Variants in TTC23 observed in about 807,000 individuals in gnomAD.
TTC23 encodes tetratricopeptide repeat protein 23.
In TTC23, 58 loss-of-function variants were observed where a neutral mutation model predicts 55.1. The observed-to-expected ratio is 1.05, with a 90% CI of 0.85 to 1.31. TTC23 has a LOEUF of 1.31. Ranked by LOEUF, TTC23 falls within the 50% of genes most tolerant of loss-of-function variation. TTC23 has a pLI of 0.00. For synonymous variants in TTC23, 203 were observed against 199.9 expected, an observed-to-expected ratio of 1.02 and a Z score of -0.13; for missense variants, 516 against 534.4, an observed-to-expected ratio of 0.97 and a Z score of 0.34.
At chr15:99,237,352 G>A (rs1235332492) in intron 3 of TTC23, among the ~76,000 whole-genome samples, 3 of 151,996 alleles carry the variant, frequency 2.0e-5, no homozygotes, top group Non-Finnish European at 4.4e-5. Context: ...AATGTTCATA[G>A]AATTTTTATT....
At position 99,178,848 on chromosome 15, in the gene TTC23, C is replaced by G. The variant is rs562699854; in HGVS notation, c.760-3693G>C. ...GCATGGAGGAAACCCAAGATGAGCA[C>G]GCTGGCTCCCAAGACAAGGTGCTGG... On this transcript the variant is annotated intron_variant, in intron 9 of 13. Coordinates refer to ENST00000394132, the MANE Select transcript of TTC23 (RefSeq NM_001288615.3). 2.6e-5 allele frequency among the ~76,000 whole-genome samples: 4 copies of G among 152,252 alleles called. No individual in the cohort carries two copies. The East Asian group carries it at 5.8e-4, about 22-fold the overall frequency.
intron 8 of TTC23, among the ~76,000 whole-genome samples, chr15:99,217,759 A>T (rs1306665878): frequency 6.6e-6 from 1 of 152,230 alleles, no homozygotes; most frequent in Non-Finnish European, 1.5e-5. Context: ...GGTTCTTCCC[A>T]CTTTCCATTC....
chr15:99,206,651 T>C (rs751362935), intron 8 of TTC23, among the ~76,000 whole-genome samples: 1 of 152,138 alleles, frequency 6.6e-6, no homozygotes, highest in Non-Finnish European at 1.5e-5. Flanking sequence ...GTGGTAGCAG[T>C]TGTATTGTCT....
chr15:99,182,266 A>T (rs1399072268), intron 9 of TTC23, among the ~76,000 whole-genome samples: 1 of 151,108 alleles, frequency 6.6e-6, no homozygotes, highest in Non-Finnish European at 1.5e-5. Context: ...ACACACACAC[A>T]CACACACACA....
At chr15:99,235,503 T>G (rs983952634) in intron 3 of TTC23, among the ~76,000 whole-genome samples, 1 of 151,944 alleles carries the variant, frequency 6.6e-6, no homozygotes, top group Admixed American at 6.6e-5. Context: ...CCCGAGTAGC[T>G]GGGACTACAG....
intron 12 of TTC23, among the ~76,000 whole-genome samples, chr15:99,143,643 T>A (rs1317767720): frequency 6.6e-6 from 1 of 152,216 alleles, no homozygotes; most frequent in East Asian, 1.9e-4. Context: ...ATTACATTGC[T>A]CTTATTCTCT....
chr15:99,218,930 A>G lies in TTC23; in HGVS notation c.423T>C (p.His141=). The G allele has an allele frequency of 6.2e-6, 10 of 1,614,168 alleles. No homozygotes were observed. The highest frequency in any genetic ancestry group is 8.5e-6 in the Non-Finnish European group (10 of 1,180,018). The change falls in exon 7 of 14, where the codon CAT becomes CAC. Residue 141 remains histidine, a synonymous_variant. Coordinates refer to ENST00000394132, the MANE Select transcript of TTC23 (RefSeq NM_001288615.3). ...GGGAGAGTAAAGCTCTGCCCATGGT[A>G]TGGAAAAGCTCAATGGAAAACTTGA... The part of the protein sequence containing the change: ...DVFKFSIELF[H]TMGRALLSLQ...
rs181308012 is a variant in TTC23 at position 99,211,726 on chromosome 15, G to A, written c.581+6862C>T. On this transcript the variant is annotated intron_variant, in intron 8 of 13. Transcript: ENST00000394132. ...TTTTTAATCTTCACAGCAACCCCTG[G>A]AGGTCTTATTATTTTCACTTCAACA... is the stretch of plus-strand genomic sequence containing the variant. Among the ~76,000 whole-genome samples, 150 of 152,230 alleles carry A rather than the reference G, an allele frequency of 9.9e-4. 1 individual carries two copies. Among genetic ancestry groups the A allele is most frequent in the Admixed American group, 2.6e-3 (40 of 15,280 alleles).
intron 9 of TTC23, among the ~76,000 whole-genome samples, chr15:99,180,851 G>A (rs1452610228): frequency 2.0e-5 from 3 of 152,184 alleles, no homozygotes; most frequent in African/African-American, 7.2e-5. Context: ...ATTTACTCTG[G>A]AGATGAGAAC....
At chr15:99,152,174 C>T (rs1386325737) in intron 12 of TTC23, among the ~76,000 whole-genome samples, 1 of 152,152 alleles carries the variant, frequency 6.6e-6, no homozygotes, top group Non-Finnish European at 1.5e-5. Flanking sequence ...GTATGTGGCA[C>T]TTCCCCATTC....
intron 10 of TTC23, among the ~76,000 whole-genome samples, chr15:99,172,344 G>A (rs982934170): frequency 1.3e-5 from 2 of 152,138 alleles, no homozygotes; most frequent in Non-Finnish European, 2.9e-5. Flanking sequence ...GTCACCGAAT[G>A]CCCTCAGCTG....
chr15:99,219,876 A>G (rs1331200892), intron 6 of TTC23, among the ~76,000 whole-genome samples: 1 of 152,202 alleles, frequency 6.6e-6, no homozygotes, highest in Non-Finnish European at 1.5e-5. Context: ...CTGTCAAAAT[A>G]TGAAGTTAAT....
intron 12 of TTC23, chr15:99,140,972 G>A (rs529649976): frequency 1.3e-5 from 2 of 152,266 alleles, no homozygotes; most frequent in African/African-American, 4.8e-5. Context: ...TCAAAGAGTT[G>A]AAATCTGATG....
intron 4 of TTC23, among the ~76,000 whole-genome samples, chr15:99,234,033 A>G (rs939689629): frequency 1.3e-5 from 2 of 152,234 alleles, no homozygotes; most frequent in Non-Finnish European, 2.9e-5. Flanking sequence ...TACAAAAATT[A>G]ACTCAAAATT....
At chr15:99,216,646 G>A (rs749335598) in intron 8 of TTC23, among the ~76,000 whole-genome samples, 1 of 152,150 alleles carries the variant, frequency 6.6e-6, no homozygotes, top group Non-Finnish European at 1.5e-5. Flanking sequence ...TCACTAATAG[G>A]AGAAATGTAA....
chr15:99,139,142 C>T (rs2151823504), intron 13 of TTC23, 175 bp downstream of exon 13: 2 of 778,012 alleles, frequency 2.6e-6, no homozygotes, highest in South Asian at 2.9e-5. Context: ...AATACCTGGG[C>T]AAGGAAGATC....
At chr15:99,192,836 T>C (rs1460232071) in intron 9 of TTC23, among the ~76,000 whole-genome samples, 2 of 152,146 alleles carry the variant, frequency 1.3e-5, no homozygotes, top group Non-Finnish European at 2.9e-5. Flanking sequence ...TCATCGTCAA[T>C]GTGTGAAGGC....
intron 4 of TTC23, among the ~76,000 whole-genome samples, chr15:99,233,967 A>G (rs1032015863): frequency 6.6e-6 from 1 of 152,214 alleles, no homozygotes; most frequent in African/African-American, 2.4e-5. Flanking sequence ...GAACAACTAG[A>G]TATTCACACG....
chr15:99,179,226 T>A (rs1429473970), intron 9 of TTC23, among the ~76,000 whole-genome samples: 1 of 152,158 alleles, frequency 6.6e-6, no homozygotes, highest in Non-Finnish European at 1.5e-5. Context: ...TGGGTCACAC[T>A]CCAGACCTCA....
Sources: allele counts gnomAD v4.1 joint callset (sites outside exome capture counted in the v4.1 genomes callset), GRCh38; gene constraint gnomAD v4.1.1; transcripts MANE v1.5; gene names NCBI Gene and HGNC (gene_info 2026-07-23, HGNC 2026-07-21).